FYCO1: variants seen among roughly 807,000 people sequenced by gnomAD.
FYCO1 encodes the protein FYVE and coiled-coil domain-containing protein 1.
FYCO1 carries 122 observed loss-of-function variants against 165.1 expected under a neutral mutation model. The ratio of observed to expected loss-of-function variants is 0.74; its 90% CI spans 0.64 to 0.86. The LOEUF (loss-of-function observed/expected upper bound fraction) is 0.86, where lower values mean the gene tolerates loss of function less well. Among genes scored for constraint, FYCO1 ranks in the 40% least tolerant of loss-of-function variants. The pLI is 0.00. For missense variants in FYCO1, 1,702 were observed against 1,810.3 expected (o/e 0.94, Z 1.09); for synonymous variants, 648 against 742.5 (o/e 0.87, Z 2.07).
Position 45,985,531 on chromosome 3 carries a change from C to T in FYCO1, c.-112-509G>A, listed in dbSNP as rs143949445. On this transcript the variant is annotated intron_variant, in intron 1 of 17. Coordinates refer to ENST00000296137, the MANE Select transcript of FYCO1 (RefSeq NM_024513.4). Reference sequence around the variant, plus strand: ...TTGGGGGAGAGGATGAGGACACATACCCTCAGAACTTCTGGACCAAGGAAA... The same window carrying T: ...TTGGGGGAGAGGATGAGGACACATATCCTCAGAACTTCTGGACCAAGGAAA... Among the ~76,000 whole-genome samples, 1,126 of 152,302 alleles carry T rather than the reference C, an allele frequency of 7.4e-3. 14 individuals carry two copies. The highest frequency in any genetic ancestry group is 8.8e-3 in the Non-Finnish European group (598 of 68,026).
At chr3:45,975,382 C>A in intron 4 of FYCO1, 37 bp from the exon 5 acceptor site, 1 of 1,487,980 alleles carries the variant, frequency 6.7e-7, no homozygotes, top group South Asian at 1.1e-5. Flanking sequence ...AAAGAGCTGT[C>A]AGCCTAACTC....
At position 45,919,481 on chromosome 3, in the gene FYCO1, G is replaced by C. The variant is rs762403161; in HGVS notation, c.*2284C>G. ...TTGAACAATAGCAGTCAGTGCTCAA[G>C]GTGTTGCACGCAAAACATCCAGCTC... On this transcript the variant is annotated 3_prime_UTR_variant, in exon 18 of 18. Coordinates refer to ENST00000296137, the MANE Select transcript of FYCO1 (RefSeq NM_024513.4). 6.6e-6 allele frequency: 1 copy of C among 152,218 alleles called. No homozygotes were observed. The highest frequency in any genetic ancestry group is 2.4e-5 in the African/African-American group (1 of 41,434). The allele number at this position is 152,218 out of a possible 1,614,324, so 9.4% of individuals were successfully genotyped here.
intron 14 of FYCO1, among the ~76,000 whole-genome samples, chr3:45,942,987 T>A (rs1435076437): frequency 6.6e-6 from 1 of 152,198 alleles, no homozygotes; most frequent in East Asian, 1.9e-4. Flanking sequence ...GGCTTGTTAT[T>A]TTGGCTATGG....
At chr3:45,958,138 T>C (rs1241418564) in intron 13 of FYCO1, among the ~76,000 whole-genome samples, 1 of 152,218 alleles carries the variant, frequency 6.6e-6, no homozygotes, top group Non-Finnish European at 1.5e-5. Flanking sequence ...ATGGGGTGTA[T>C]TTCATGAATG....
chr3:45,939,912 A>G (rs1704123107), intron 14 of FYCO1, among the ~76,000 whole-genome samples: 1 of 152,226 alleles, frequency 6.6e-6, no homozygotes, highest in Admixed American at 6.5e-5. Context: ...GCTCAATTCA[A>G]GTGGCACTAG....
rs1211210041 is a variant in FYCO1 at position 45,967,668 on chromosome 3, G to T, written c.1666C>A (p.Leu556Ile). 6.2e-7 allele frequency: 1 copy of T among 1,613,764 alleles called. No individual in the cohort carries two copies. The highest frequency in any genetic ancestry group is 8.5e-7 in the Non-Finnish European group (1 of 1,180,034). The change falls in exon 8 of 18, where the codon CTT (leucine) becomes ATT (isoleucine). Residue 556 changes from leucine to isoleucine, a missense_variant. Transcript: ENST00000296137. ...AGTTCTGGGCCAGGCGGCCCAGCAA[G>T]CCGCTCGAGCATACCCACCTGCTGG... The part of the protein sequence containing the change: ...LSQQVGMLER[L>I]AGPPGPELPV...
chr3:45,935,403 A>T (rs1454319000), intron 15 of FYCO1, among the ~76,000 whole-genome samples: 1 of 152,228 alleles, frequency 6.6e-6, no homozygotes, highest in Non-Finnish European at 1.5e-5. Flanking sequence ...ACAATGGCCA[A>T]CAAGGCCCTA....
chr3:45,958,620 C>T lies in FYCO1; in HGVS notation c.3588-1G>A. The T allele has an allele frequency of 6.2e-7, 1 of 1,614,164 alleles. No individual in the cohort carries two copies. ...GTAACAGAAGATGCGGCCACATATC[C>T]TGGGAACAAAACAAGCCCAGGCTGT... is the stretch of plus-strand genomic sequence containing the variant. On this transcript the variant is annotated splice_acceptor_variant, in intron 12 of 17. Coordinates refer to ENST00000296137, the MANE Select transcript of FYCO1 (RefSeq NM_024513.4). LOFTEE classifies it high-confidence loss of function.
rs140228956 is a variant in FYCO1, at chr3:45,975,477, C to G, written c.289-132G>C. 1,115 of 709,682 alleles carry G rather than the reference C, an allele frequency of 1.6e-3. 3 individuals are homozygous for G. The highest frequency in any genetic ancestry group is 9.3e-3 in the Middle Eastern group (32 of 3,454). 44.0% of individuals were successfully genotyped at this position (709,682 alleles called of 1,614,324 possible). On this transcript the variant is annotated intron_variant, in intron 4 of 17. Transcript: ENST00000296137. ...CACCCAATTTTACCCTATACGTTGT[C>G]CTTCAAAGGACACAACACATTTGAT...
intron 3 of FYCO1, among the ~76,000 whole-genome samples, 190 bp downstream of exon 3, chr3:45,981,380 T>C (rs1017094437): frequency 1.4e-4 from 22 of 152,296 alleles, no homozygotes; most frequent in African/African-American, 3.8e-4. Flanking sequence ...AGGGGCAACA[T>C]TGCAATTCCC....
intron 2 of FYCO1, among the ~76,000 whole-genome samples, chr3:45,984,094 G>C (rs1707192517): frequency 6.6e-6 from 1 of 152,218 alleles, no homozygotes; most frequent in African/African-American, 2.4e-5. Flanking sequence ...GTCAGCTTCA[G>C]ACTGTGTAGT....
chr3:45,941,197 T>C (rs922833313), intron 14 of FYCO1: 2 of 152,222 alleles, frequency 1.3e-5, no homozygotes, highest in African/African-American at 2.4e-5. Flanking sequence ...TAGGCTACTT[T>C]TCTGTGGATC....
At chr3:45,930,565 C>T (rs1057355654) in intron 16 of FYCO1, among the ~76,000 whole-genome samples, 3 of 152,188 alleles carry the variant, frequency 2.0e-5, no homozygotes, top group African/African-American at 7.2e-5. Flanking sequence ...CATTCCATGC[C>T]TAGAATGTCT....
intron 1 of FYCO1, among the ~76,000 whole-genome samples, chr3:45,990,150 A>C (rs920053895): frequency 2.0e-5 from 3 of 152,256 alleles, no homozygotes; most frequent in African/African-American, 7.2e-5. Context: ...CTAAGAACTG[A>C]ATCTCTGATA....
intron 1 of FYCO1, among the ~76,000 whole-genome samples, chr3:45,991,232 A>G (rs1418116539): frequency 1.3e-5 from 2 of 152,244 alleles, no homozygotes; most frequent in African/African-American, 4.8e-5. Context: ...AAATATTGTG[A>G]GCTATTATTC....
chr3:45,977,353 AT>A (rs1706811983), intron 4 of FYCO1, among the ~76,000 whole-genome samples: 2 of 1,538 alleles, frequency 1.3e-3, no homozygotes, highest in Non-Finnish European at 4.3e-3. Context: ...TGAATTAAAT[AT>A]ATATATATAT....
At chr3:45,985,478 T>C (rs1028252372) in intron 1 of FYCO1, among the ~76,000 whole-genome samples, 2 of 152,186 alleles carry the variant, frequency 1.3e-5, no homozygotes, top group Admixed American at 1.3e-4. Flanking sequence ...CTCTGAAGAA[T>C]GGTCAGTCTC....
chr3:45,965,113 C>G lies in FYCO1; in HGVS notation c.3070G>C (p.Glu1024Gln). ...AGCTGGCCCCTGAGGCTCTTGCACT[C>G]TTCACCAGCATTCTAGAGAGGACAA... Reference protein sequence around the residue: ...YQSRLKNAGEECKSLRGQLEE... With the variant: ...YQSRLKNAGEQCKSLRGQLEE... Residue 1024 changes from glutamate (E) to glutamine (Q), a missense_variant, in exon 9 of 18, where the codon GAG (glutamate) becomes CAG (glutamine). Glu to Gln is a conservative substitution (Grantham distance 29). Coordinates refer to ENST00000296137, the MANE Select transcript of FYCO1 (RefSeq NM_024513.4). The G allele has an allele frequency of 1.2e-6, 2 of 1,613,816 alleles. No homozygotes were observed. Among genetic ancestry groups the G allele is most frequent in the Middle Eastern group, 1.7e-4 (1 of 6,060 alleles).
Position 45,919,480 on chromosome 3 carries a change from A to T in FYCO1, c.*2285T>A, listed in dbSNP as rs774957576. On this transcript the variant is annotated 3_prime_UTR_variant, in exon 18 of 18. Transcript: ENST00000296137. ...TTTGAACAATAGCAGTCAGTGCTCA[A>T]GGTGTTGCACGCAAAACATCCAGCT... 2.6e-5 allele frequency: 4 copies of T among 152,258 alleles called. No homozygotes were observed. Among genetic ancestry groups the T allele is most frequent in the Non-Finnish European group, 4.4e-5 (3 of 68,072 alleles). The allele number at this position is 152,258 out of a possible 1,614,324, so 9.4% of individuals were successfully genotyped here. A position where few individuals can be genotyped will look rare whatever the true frequency, so the allele number is the denominator to read the frequency against.
Sources: gnomAD v4.1 joint callset for allele counts (sites outside exome capture counted in the v4.1 genomes callset) on GRCh38, gnomAD v4.1.1 for gene constraint, MANE v1.5 for transcripts, NCBI Gene and HGNC (gene_info 2026-07-23, HGNC 2026-07-21) for gene names.